Variants in MTOR observed in about 807,000 individuals in gnomAD.
The protein encoded by MTOR is serine/threonine-protein kinase mTOR.
MTOR carries 70 observed loss-of-function variants against 319.8 expected under a neutral mutation model. That is an observed-to-expected ratio of 0.22 (90% CI 0.18 to 0.27). MTOR has a LOEUF of 0.27. Ranked by LOEUF, MTOR falls within the 10% of genes least tolerant of loss-of-function variation. The pLI, the probability that MTOR is intolerant of heterozygous loss-of-function variation, is 1.00. For synonymous variants in MTOR, 1,183 were observed against 1,211.4 expected (o/e 0.98, Z 0.49); for missense variants, 1,890 against 3,274.4 (o/e 0.58, Z 10.32).
At chr1:11,166,442 G>C (rs1333011493) in intron 29 of MTOR, among the ~76,000 whole-genome samples, 3 of 152,180 alleles carry the variant, frequency 2.0e-5, no homozygotes, top group Admixed American at 1.3e-4. Context: ...CAAAGGAGAT[G>C]AACAGACACT....
intron 29 of MTOR, among the ~76,000 whole-genome samples, chr1:11,166,195 T>C (rs892729874): frequency 3.3e-5 from 5 of 152,158 alleles, no homozygotes; most frequent in Non-Finnish European, 5.9e-5. Flanking sequence ...GGCAAGGACT[T>C]CACGTCTAAA....
chr1:11,190,403 A>C (rs1345532751), intron 28 of MTOR, among the ~76,000 whole-genome samples: 5 of 152,238 alleles, frequency 3.3e-5, no homozygotes, highest in African/African-American at 1.2e-4. Flanking sequence ...ACCAGGAATG[A>C]GCATTAATGG....
chr1:11,241,453 T>G (rs1648015411), intron 10 of MTOR, 100 bp downstream of exon 10: 8 of 1,421,002 alleles, frequency 5.6e-6, no homozygotes, highest in Non-Finnish European at 7.5e-6. Flanking sequence ...GTCCATCCAG[T>G]TGAATGTGCA....
chr1:11,170,351 G>A (rs1234892240), intron 28 of MTOR, among the ~76,000 whole-genome samples: 1 of 150,832 alleles, frequency 6.6e-6, no homozygotes, highest in Non-Finnish European at 1.5e-5. Flanking sequence ...AATATTACTA[G>A]GTATAGATTT....
chr1:11,122,304 A>C (rs1169192684), intron 47 of MTOR, among the ~76,000 whole-genome samples, 178 bp from the exon 48 acceptor site: 12 of 145,404 alleles, frequency 8.3e-5, no homozygotes, highest in Middle Eastern at 8.5e-3. Context: ...CCTGGGTTCA[A>C]GTGATCCTCC....
intron 28 of MTOR, among the ~76,000 whole-genome samples, chr1:11,182,568 A>G (rs1645194238): frequency 2.0e-5 from 3 of 152,206 alleles, no homozygotes; most frequent in Admixed American, 1.3e-4. Flanking sequence ...CATAAAGTGA[A>G]GACATCTTTG....
In MTOR at chr1:11,215,779, A is replaced by G. The variant is rs562594883; in HGVS notation, c.3117+369T>C. On this transcript the variant is annotated intron_variant, in intron 20 of 57. Coordinates refer to ENST00000361445, the MANE Select transcript of MTOR (RefSeq NM_004958.4). ...CCATCATATTTAACAGCCCTAAGAA[A>G]ACCCAATCCCTTCATGGTTTATGAG... Among the ~76,000 whole-genome samples the G allele has an allele frequency of 5.6e-4, 86 of 152,300 alleles. 1 individual carries two copies. The highest frequency in any genetic ancestry group is 2.0e-3 in the African/African-American group (83 of 41,556).
chr1:11,244,296 TAAAA>T (rs35865993), intron 8 of MTOR, among the ~76,000 whole-genome samples: 3 of 88,950 alleles, frequency 3.4e-5, no homozygotes, highest in South Asian at 1.1e-3. Flanking sequence ...ACATCTCATT[TAAAA>T]AAAAAAAAAA....
chr1:11,227,775 T>C (rs186343517), intron 19 of MTOR, among the ~76,000 whole-genome samples: 1 of 152,296 alleles, frequency 6.6e-6, no homozygotes, highest in African/African-American at 2.4e-5. Context: ...CAACCACCAG[T>C]GTGATAATCA....
chr1:11,245,378 T>C (rs933414838), intron 8 of MTOR, among the ~76,000 whole-genome samples: 2 of 152,218 alleles, frequency 1.3e-5, no homozygotes. Context: ...TACTGAAAGC[T>C]ACCAGAACCA....
intron 29 of MTOR, among the ~76,000 whole-genome samples, chr1:11,160,109 T>TTTATTTAA (rs1335018513): frequency 2.0e-4 from 30 of 151,668 alleles, no homozygotes; most frequent in African/African-American, 6.0e-4. Flanking sequence ...TATTTATTTA[T>TTTATTTAA]TTAATTTTGA....
chr1:11,258,624 C>T, intron 2 of MTOR, 31 bp from the exon 3 acceptor site: 2 of 1,524,232 alleles, frequency 1.3e-6, no homozygotes, highest in Non-Finnish European at 1.8e-6. Flanking sequence ...AGAACAATTT[C>T]TAATAATTCT....
intron 8 of MTOR, among the ~76,000 whole-genome samples, chr1:11,244,501 T>C (rs984504294): frequency 6.7e-6 from 1 of 148,602 alleles, no homozygotes; most frequent in Middle Eastern, 3.6e-3. Flanking sequence ...GGCATGGTAG[T>C]GCGCCTGTAA....
intron 3 of MTOR, 89 bp from the exon 4 acceptor site, chr1:11,257,254 G>C: frequency 8.7e-7 from 1 of 1,143,908 alleles, no homozygotes; most frequent in Non-Finnish European, 1.3e-6. Context: ...GGTGAGTGCC[G>C]GCCAGGCACG....
rs2100424624 is a variant in MTOR at position 11,129,845 on chromosome 1, G to T, written c.5614-7C>A. ...GGAGGGTTTTGGACAGATCCTGTTGGAACACACACGTGTTAGCGACACTCT... is the reference window on the plus strand; with the variant it reads ...GGAGGGTTTTGGACAGATCCTGTTGTAACACACACGTGTTAGCGACACTCT... On this transcript the variant is annotated splice_region_variant and splice_polypyrimidine_tract_variant and intron_variant, in intron 39 of 57. Coordinates refer to ENST00000361445, the MANE Select transcript of MTOR (RefSeq NM_004958.4). The surrounding 1 kb of genome is among the most constrained non-coding windows in gnomAD (Gnocchi z 4.7). 6.2e-7 allele frequency: 1 copy of T among 1,612,856 alleles called. No homozygotes were observed. The highest frequency in any genetic ancestry group is 1.1e-5 in the South Asian group (1 of 91,012).
chr1:11,222,220 G>A lies in MTOR; in HGVS notation c.3031-5986C>T, dbSNP rs189373792. On this transcript the variant is annotated intron_variant, in intron 19 of 57. Transcript: ENST00000361445. ...AAAAAATTTTTTTTTTTTTTGAGAC[G>A]GAGTCTCGCTCTGTCACCCAGGCTG... Among the ~76,000 whole-genome samples the A allele has an allele frequency of 4.0e-5, 6 of 148,910 alleles. No individual in the cohort carries two copies. In the East Asian group the frequency reaches 7.8e-4, roughly 19 times the overall value.
chr1:11,237,867 A>T lies in MTOR; in HGVS notation c.2184T>A (p.Pro728=). Residue 728 remains proline (P), a synonymous_variant, in exon 13 of 58, where the codon CCT becomes CCA. Coordinates refer to ENST00000361445, the MANE Select transcript of MTOR (RefSeq NM_004958.4). ...LSSMNPAFVM[P]FLRKMLIQIL... is the part of the protein sequence containing the mutation. ...CCTGGATGAGCATCTTGCGCAGGAA[A>T]GGCATGACAAAGGCAGGGTTCATGC... 1 of 1,614,010 alleles carries T rather than the reference A, an allele frequency of 6.2e-7. No individual in the cohort carries two copies. The highest frequency in any genetic ancestry group is 2.2e-5 in the East Asian group (1 of 44,876).
chr1:11,193,864 C>G, intron 28 of MTOR: 1 of 1,265,598 alleles, frequency 7.9e-7, no homozygotes, highest in Non-Finnish European at 1.1e-6. Context: ...TATTCTGATT[C>G]AAGACAAATC....
intron 29 of MTOR, among the ~76,000 whole-genome samples, chr1:11,161,010 G>A (rs957022533): frequency 9.2e-5 from 14 of 152,198 alleles, no homozygotes; most frequent in African/African-American, 2.2e-4. Flanking sequence ...GGAAGCACAA[G>A]GGGTCAGGGA....
Sources: gnomAD v4.1 joint callset for allele counts (sites outside exome capture counted in the v4.1 genomes callset) on GRCh38, gnomAD v4.1.1 for gene constraint, Gnocchi (gnomAD v3.1) non-coding constraint, MANE v1.5 for transcripts, NCBI Gene and HGNC (gene_info 2026-07-23, HGNC 2026-07-21) for gene names.